The following AUTS2 variants were observed in gnomAD, a reference collection of about 807,000 sequenced individuals.
AUTS2 encodes the protein autism susceptibility gene 2 protein.
Under a neutral mutation model 112.4 loss-of-function variants are expected in AUTS2, and 17 were observed. The ratio of observed to expected loss-of-function variants is 0.15; its 90% confidence interval spans 0.10 to 0.23. The LOEUF is 0.23. AUTS2 is among the 10% of genes least tolerant of loss of function. AUTS2 has a pLI of 1.00. For synonymous variants in AUTS2, 751 were observed against 702.7 expected, an observed-to-expected ratio of 1.07 and a Z score of -1.09; for missense variants, 1,510 against 1,701.6, an observed-to-expected ratio of 0.89 and a Z score of 1.98.
rs73182110 is a variant in AUTS2, at chr7:70,691,582, C to T, written c.691-6987C>T. Among the ~76,000 whole-genome samples, 216 of 152,266 alleles carry T rather than the reference C, an allele frequency of 1.4e-3. 3 individuals carry two copies. The highest frequency in any genetic ancestry group is 2.7e-3 in the Non-Finnish European group (186 of 68,024). On this transcript the variant is annotated intron_variant, in intron 5 of 18. Transcript: ENST00000342771. Reference sequence around the variant, plus strand: ...CAATTTTGACATTCATTCCCATCCCCGCTTCCAGAAAGCATAGGGAATAGA... The same window carrying T: ...CAATTTTGACATTCATTCCCATCCCTGCTTCCAGAAAGCATAGGGAATAGA...
intron 18 of AUTS2, 139 bp downstream of exon 18, chr7:70,787,570 G>A: frequency 1.6e-6 from 1 of 634,986 alleles, no homozygotes; most frequent in Non-Finnish European, 2.8e-6. Flanking sequence ...CCCACAGCCA[G>A]TGCCCGCAGC....
At chr7:70,562,620 A>T (rs1328365344) in intron 5 of AUTS2, among the ~76,000 whole-genome samples, 1 of 152,226 alleles carries the variant, frequency 6.6e-6, no homozygotes, top group Non-Finnish European at 1.5e-5. Context: ...GACTGTTCCT[A>T]CCAGATTGTC....
chr7:70,688,311 A>G (rs1563128642), intron 5 of AUTS2, among the ~76,000 whole-genome samples: 1 of 152,184 alleles, frequency 6.6e-6, no homozygotes, highest in Non-Finnish European at 1.5e-5. Context: ...TAAGATGTGA[A>G]TTCTATCCAC....
chr7:69,964,518 T>C (rs1440510176), intron 2 of AUTS2, among the ~76,000 whole-genome samples: 2 of 152,148 alleles, frequency 1.3e-5, no homozygotes, highest in Admixed American at 6.6e-5. Context: ...CAATGGGGAA[T>C]TTGTTATCTC....
rs761586841 is a variant in AUTS2, at chr7:70,766,717, T to C, written c.1689+383T>C. 9.2e-5 allele frequency among the ~76,000 whole-genome samples: 14 copies of C among 152,312 alleles called. No individual in the cohort carries two copies. The South Asian group carries it at 2.3e-3, about 25-fold the overall frequency. On this transcript the variant is annotated intron_variant, in intron 9 of 18. Transcript: ENST00000342771. The surrounding 1 kb of genome is among the most constrained non-coding windows in gnomAD (Gnocchi z 4.8). ...CATCAAGTGCTAGCACATACATTCT[T>C]GCAGGGTAATGGGGGTGAAGAAGAG...
At chr7:70,183,755 C>G (rs1584847932) in intron 4 of AUTS2, among the ~76,000 whole-genome samples, 2 of 152,214 alleles carry the variant, frequency 1.3e-5, no homozygotes, top group East Asian at 3.9e-4. Flanking sequence ...CTAAATAGCC[C>G]CCTGGAGGAG....
chr7:69,692,053 C>T (rs138533862), intron 1 of AUTS2, among the ~76,000 whole-genome samples: 343 of 152,236 alleles, frequency 2.3e-3, no homozygotes, highest in Admixed American at 5.6e-3. Context: ...AGAGCTTCAG[C>T]GGGGCCAGTG....
chr7:70,688,680 C>T (rs1422754668), intron 5 of AUTS2, among the ~76,000 whole-genome samples: 1 of 152,080 alleles, frequency 6.6e-6, no homozygotes, highest in Non-Finnish European at 1.5e-5. Flanking sequence ...TAAAAATTAG[C>T]CCAGCGTGGT....
chr7:69,795,078 G>A (rs1464185754), intron 1 of AUTS2, among the ~76,000 whole-genome samples: 2 of 152,150 alleles, frequency 1.3e-5, no homozygotes, highest in African/African-American at 4.8e-5. Context: ...ATCTCATGGG[G>A]TTGTGATAAC....
chr7:69,649,206 T>C (rs193292846), intron 1 of AUTS2, among the ~76,000 whole-genome samples: 15 of 152,312 alleles, frequency 9.8e-5, no homozygotes, highest in Admixed American at 8.5e-4. Flanking sequence ...CTCTCTGGTT[T>C]TCCTGAGTAA....
intron 6 of AUTS2, among the ~76,000 whole-genome samples, chr7:70,715,776 C>T (rs116708885): frequency 2.9e-3 from 438 of 152,290 alleles, no homozygotes; most frequent in African/African-American, 9.8e-3. Flanking sequence ...AAGCCATCCA[C>T]CTGCCCTGTC....
chr7:70,049,975 G>A (rs4718915), intron 2 of AUTS2, among the ~76,000 whole-genome samples: 4 of 152,142 alleles, frequency 2.6e-5, no homozygotes, highest in Non-Finnish European at 5.9e-5. Flanking sequence ...AATTTAGCTT[G>A]CTGCAACAGA....
At chr7:70,346,494 G>A (rs930992482) in intron 4 of AUTS2, among the ~76,000 whole-genome samples, 6 of 151,946 alleles carry the variant, frequency 3.9e-5, no homozygotes, top group South Asian at 2.1e-4. Context: ...TCTCATTTGC[G>A]GAGGAGGTTA....
chr7:70,310,887 A>T (rs977583693), intron 4 of AUTS2, among the ~76,000 whole-genome samples: 18 of 152,274 alleles, frequency 1.2e-4, no homozygotes, highest in African/African-American at 4.3e-4. Context: ...TGGGGTTTTT[A>T]AATGTTAATA....
intron 1 of AUTS2, among the ~76,000 whole-genome samples, chr7:69,839,819 A>C (rs1791893685): frequency 6.6e-6 from 1 of 152,044 alleles, no homozygotes; most frequent in African/African-American, 2.4e-5. Context: ...CGTGTTTTGT[A>C]GGTAAAGGAA....
intron 4 of AUTS2, among the ~76,000 whole-genome samples, chr7:70,392,027 G>T (rs142715768): frequency 1.3e-5 from 2 of 152,056 alleles, no homozygotes; most frequent in African/African-American, 2.4e-5. Context: ...AGTTTCCCCC[G>T]GGAAATTCTC....
chr7:70,219,118 C>G (rs1811332877), intron 4 of AUTS2, among the ~76,000 whole-genome samples: 1 of 152,160 alleles, frequency 6.6e-6, no homozygotes, highest in Admixed American at 6.5e-5. Context: ...TAGTATTTTT[C>G]TCCTTCTGGA....
intron 5 of AUTS2, among the ~76,000 whole-genome samples, chr7:70,627,311 G>A (rs76715032): frequency 0.011 from 1,686 of 152,270 alleles, 52 homozygotes; most frequent in Admixed American, 0.065. Context: ...TTTGAAAAGT[G>A]TCTGTGTGTT....
At chr7:70,543,584 G>GAC (rs1563029285) in intron 5 of AUTS2, among the ~76,000 whole-genome samples, 1 of 151,392 alleles carries the variant, frequency 6.6e-6, no homozygotes, top group Non-Finnish European at 1.5e-5. Context: ...GAGGGACTCA[G>GAC]ACACACACAC....
Sources: allele counts gnomAD v4.1 joint callset (sites outside exome capture counted in the v4.1 genomes callset), GRCh38; gene constraint gnomAD v4.1.1; non-coding constraint Gnocchi (gnomAD v3.1); transcripts MANE v1.5; gene names NCBI Gene and HGNC (gene_info 2026-07-23, HGNC 2026-07-21).